IL1RAPL1: variants seen among roughly 807,000 people sequenced by gnomAD.
IL1RAPL1 encodes the protein interleukin 1 receptor accessory protein like 1, also known as interleukin-1 receptor accessory protein-like 1.
A neutral mutation model predicts 48.4 loss-of-function variants in IL1RAPL1; 3 were observed. That is an observed-to-expected ratio of 0.06 (90% CI 0.03 to 0.16). IL1RAPL1 has a LOEUF of 0.16. Ranked by LOEUF, IL1RAPL1 falls within the 10% of genes least tolerant of loss-of-function variation. The pLI, the probability that IL1RAPL1 is intolerant of heterozygous loss-of-function variation, is 1.00. For missense variants in IL1RAPL1, 349 were observed against 530.6 expected, an observed-to-expected ratio of 0.66 and a Z score of 3.36; for synonymous variants, 185 against 187.7, an observed-to-expected ratio of 0.99 and a Z score of 0.12.
chrX:29,934,632 C>T (rs1933000304), intron 8 of IL1RAPL1, among the ~76,000 whole-genome samples: 1 of 111,409 alleles, frequency 9.0e-6, no homozygotes, highest in Non-Finnish European at 1.9e-5. Context: ...AATAGATTTG[C>T]CACATTTACC....
chrX:29,608,742 T>C (rs58892736), intron 5 of IL1RAPL1, among the ~76,000 whole-genome samples: 24,513 of 94,541 alleles, frequency 0.26, 4,056 homozygotes, highest in African/African-American at 0.39. Context: ...AGGAGAATGG[T>C]GTGAACCTGG....
intron 2 of IL1RAPL1, among the ~76,000 whole-genome samples, chrX:29,222,793 G>A (rs1931007545): frequency 9.0e-6 from 1 of 111,331 alleles, no homozygotes; most frequent in Non-Finnish European, 1.9e-5. Context: ...ATAATATTTG[G>A]TCATCATATG....
Position 29,955,886 on chromosome X carries a change from T to TA in IL1RAPL1, c.*69dup. On this transcript the variant is annotated 3_prime_UTR_variant, in exon 11 of 11. Transcript: ENST00000378993. ...GAATCTGCAGTCCAGTGCCTGGAAC[T>TA]AAATCCTCGACTGCTGCTGTTAAAA... 1.2e-6 allele frequency: 1 copy of TA among 835,196 alleles called. No individual in the cohort carries two copies. 68.8% of individuals were successfully genotyped at this position (835,196 alleles called of 1,213,427 possible).
chrX:28,924,988 C>G (rs1002942419), intron 2 of IL1RAPL1, among the ~76,000 whole-genome samples: 1 of 111,508 alleles, frequency 9.0e-6, no homozygotes, highest in East Asian at 2.8e-4. Context: ...TCTGACTTTT[C>G]GTATACCACC....
intron 1 of IL1RAPL1, among the ~76,000 whole-genome samples, chrX:28,725,935 A>G (rs1236388596): frequency 8.9e-6 from 1 of 112,397 alleles, no homozygotes; most frequent in Non-Finnish European, 1.9e-5. Flanking sequence ...TAAATGGAAG[A>G]AAAAAAGTGA....
chrX:28,928,772 C>G (rs1177579179), intron 2 of IL1RAPL1, among the ~76,000 whole-genome samples: 1 of 111,994 alleles, frequency 8.9e-6, no homozygotes, highest in African/African-American at 3.2e-5. Flanking sequence ...AACTTATGCT[C>G]TCTAAAATCT....
chrX:29,130,104 C>T (rs758403880), intron 2 of IL1RAPL1, among the ~76,000 whole-genome samples: 9 of 111,349 alleles, frequency 8.1e-5, no homozygotes, highest in Admixed American at 2.9e-4. Context: ...GGTATTCTTA[C>T]GAGGGATGAT....
At chrX:29,531,911 G>T (rs1031740293) in intron 5 of IL1RAPL1, among the ~76,000 whole-genome samples, 4 of 111,786 alleles carry the variant, frequency 3.6e-5, no homozygotes, top group Non-Finnish European at 7.5e-5. Context: ...TGGATTAGGG[G>T]CTTACCCCAC....
At chrX:28,905,792 T>C (rs1165048646) in intron 2 of IL1RAPL1, among the ~76,000 whole-genome samples, 1 of 111,136 alleles carries the variant, frequency 9.0e-6, no homozygotes, top group Non-Finnish European at 1.9e-5. Context: ...AAAGATGGTA[T>C]GTAGAAAAAT....
At chrX:29,041,487 G>T (rs751698075) in intron 2 of IL1RAPL1, among the ~76,000 whole-genome samples, 36 of 111,893 alleles carry the variant, frequency 3.2e-4, no homozygotes, top group African/African-American at 1.1e-3. Flanking sequence ...ACAAGCAACC[G>T]AGCAGAAAAT....
chrX:29,346,798 A>C (rs1024489185), intron 3 of IL1RAPL1, among the ~76,000 whole-genome samples: 3 of 112,430 alleles, frequency 2.7e-5, no homozygotes, highest in Non-Finnish European at 5.6e-5. Flanking sequence ...ATCAAGAGGA[A>C]ATACACCTTG....
At chrX:29,261,853 G>A (rs1316146333) in intron 2 of IL1RAPL1, among the ~76,000 whole-genome samples, 1 of 111,260 alleles carries the variant, frequency 9.0e-6, no homozygotes, top group Non-Finnish European at 1.9e-5. Context: ...TCCTTCGCTT[G>A]CATAATACCT....
chrX:29,912,616 C>A (rs774456473), intron 6 of IL1RAPL1, among the ~76,000 whole-genome samples: 77 of 111,604 alleles, frequency 6.9e-4, no homozygotes, highest in African/African-American at 2.4e-3. Context: ...CGCAGGCCTG[C>A]ATTTTGGAAG....
At chrX:28,663,861 C>T (rs1934847052) in intron 1 of IL1RAPL1, among the ~76,000 whole-genome samples, 1 of 112,218 alleles carries the variant, frequency 8.9e-6, no homozygotes, top group Non-Finnish European at 1.9e-5. Flanking sequence ...CTTGTTTTCT[C>T]CTCAAAAGAC....
At chrX:29,363,428 A>T (rs182731557) in intron 3 of IL1RAPL1, among the ~76,000 whole-genome samples, 1 of 111,582 alleles carries the variant, frequency 9.0e-6, no homozygotes, top group Admixed American at 9.6e-5. Flanking sequence ...TACTATTATC[A>T]CTTCAAATAT....
intron 2 of IL1RAPL1, among the ~76,000 whole-genome samples, chrX:28,927,185 G>C (rs1049677425): frequency 5.4e-5 from 6 of 111,494 alleles, no homozygotes; most frequent in Non-Finnish European, 1.1e-4. Context: ...GTGAGCCACT[G>C]TGTCCAGCCT....
At chrX:29,380,796 C>T (rs1270404015) in intron 3 of IL1RAPL1, among the ~76,000 whole-genome samples, 1 of 111,450 alleles carries the variant, frequency 9.0e-6, no homozygotes, top group Non-Finnish European at 1.9e-5. Flanking sequence ...AAATGTATAG[C>T]AAGGACAAAA....
intron 9 of IL1RAPL1, among the ~76,000 whole-genome samples, chrX:29,943,339 G>C (rs1436275163): frequency 9.0e-6 from 1 of 111,595 alleles, no homozygotes; most frequent in African/African-American, 3.3e-5. Context: ...CATTCTTAGA[G>C]TCATTCTTGC....
At chrX:29,880,009 A>G (rs1265950055) in intron 6 of IL1RAPL1, among the ~76,000 whole-genome samples, 2 of 111,468 alleles carry the variant, frequency 1.8e-5, no homozygotes, top group Non-Finnish European at 3.8e-5. Flanking sequence ...ACTTTATTCC[A>G]TTCAGTTGCA....
Sources: gnomAD v4.1 joint callset for allele counts (sites outside exome capture counted in the v4.1 genomes callset) on GRCh38, gnomAD v4.1.1 for gene constraint, MANE v1.5 for transcripts, NCBI Gene and HGNC (gene_info 2026-07-23, HGNC 2026-07-21) for gene names.